The following MCC variants were observed in gnomAD, a reference collection of about 807,000 sequenced individuals.
The protein encoded by MCC is colorectal mutant cancer protein.
Under a neutral mutation model 116.2 loss-of-function variants are expected in MCC, and 90 were observed. The observed-to-expected ratio is 0.77, with a 90% CI of 0.65 to 0.92. MCC has a LOEUF of 0.92. MCC is among the 40% of genes least tolerant of loss of function. MCC has a pLI of 0.00. For missense variants in MCC, 1,516 were observed against 1,312.2 expected (o/e 1.16, Z -2.40); for synonymous variants, 578 against 510.5 (o/e 1.13, Z -1.78).
At chr5:113,238,879 G>A (rs1011761593) in intron 3 of MCC, among the ~76,000 whole-genome samples, 1 of 152,190 alleles carries the variant, frequency 6.6e-6, no homozygotes, top group African/African-American at 2.4e-5. Flanking sequence ...CAAAGAAGCA[G>A]TTACAAGAAG....
chr5:113,186,611 CT>C (rs1389418715), intron 3 of MCC, among the ~76,000 whole-genome samples: 1 of 152,038 alleles, frequency 6.6e-6, no homozygotes, highest in Non-Finnish European at 1.5e-5. Flanking sequence ...GTAAATGCAA[CT>C]TAAAATATTT....
At chr5:113,160,693 C>G (rs1490824158) in intron 3 of MCC, among the ~76,000 whole-genome samples, 1 of 152,148 alleles carries the variant, frequency 6.6e-6, no homozygotes, top group African/African-American at 2.4e-5. Flanking sequence ...GAGGGTTATT[C>G]TGTTAAGAGA....
intron 6 of MCC, among the ~76,000 whole-genome samples, chr5:113,111,362 A>G (rs11241191): frequency 0.47 from 72,052 of 151,718 alleles, 17,514 homozygotes; most frequent in African/African-American, 0.56. Flanking sequence ...TCATTGGTGT[A>G]TCTAAACAGT....
intron 5 of MCC, among the ~76,000 whole-genome samples, chr5:113,142,191 T>G (rs1019062226): frequency 6.1e-5 from 9 of 147,110 alleles, no homozygotes; most frequent in African/African-American, 2.2e-4. Flanking sequence ...TGGAACAAAA[T>G]GCATCCAAAG....
At chr5:113,332,452 A>G (rs780253472) in intron 3 of MCC, among the ~76,000 whole-genome samples, 4 of 151,144 alleles carry the variant, frequency 2.6e-5, no homozygotes, top group Non-Finnish European at 4.4e-5. Flanking sequence ...ACTTACGCCT[A>G]TAATCCCAGC....
At chr5:113,208,987 A>G (rs1763015739) in intron 3 of MCC, among the ~76,000 whole-genome samples, 3 of 152,234 alleles carry the variant, frequency 2.0e-5, no homozygotes, top group Admixed American at 6.5e-5. Context: ...TAGTAGTCTA[A>G]TATCATCCAA....
At chr5:113,243,160 G>GT (rs1438519876) in intron 3 of MCC, among the ~76,000 whole-genome samples, 1 of 146,520 alleles carries the variant, frequency 6.8e-6, no homozygotes, top group African/African-American at 2.5e-5. Context: ...CCAAGCATGT[G>GT]TTTTTGTTTT....
intron 17 of MCC, among the ~76,000 whole-genome samples, chr5:113,038,795 A>G (rs985081918): frequency 2.0e-5 from 3 of 152,148 alleles, no homozygotes; most frequent in Non-Finnish European, 4.4e-5. Context: ...CCTACTTCTT[A>G]TTCAGCAGAG....
At chr5:113,115,092 G>T (rs1184494069) in intron 6 of MCC, among the ~76,000 whole-genome samples, 1 of 152,138 alleles carries the variant, frequency 6.6e-6, no homozygotes, top group East Asian at 1.9e-4. Flanking sequence ...GGGGGTCACA[G>T]ATCCTCCCCC....
chr5:113,269,083 T>C (rs552084670), intron 3 of MCC: 4 of 783,054 alleles, frequency 5.1e-6, no homozygotes, highest in Non-Finnish European at 4.6e-6. Context: ...GGTGAATATT[T>C]GATGGAGAAG....
chr5:113,285,475 T>G (rs539736903), intron 3 of MCC, among the ~76,000 whole-genome samples: 2 of 151,954 alleles, frequency 1.3e-5, no homozygotes, highest in African/African-American at 2.4e-5. Flanking sequence ...TGGCCAGAAC[T>G]GTTTTCTTGG....
chr5:113,310,680 GA>G (rs1049457074), intron 3 of MCC, among the ~76,000 whole-genome samples: 1 of 152,152 alleles, frequency 6.6e-6, no homozygotes, highest in African/African-American at 2.4e-5. Flanking sequence ...GATAGAGAGG[GA>G]AATGTGTCAC....
chr5:113,170,033 G>T (rs1328050538), intron 3 of MCC, among the ~76,000 whole-genome samples: 6 of 152,178 alleles, frequency 3.9e-5, no homozygotes, highest in African/African-American at 1.4e-4. Context: ...TACTATGGTA[G>T]AATTAGATGG....
chr5:113,200,000 G>C (rs1196391965), intron 3 of MCC, among the ~76,000 whole-genome samples: 1 of 151,232 alleles, frequency 6.6e-6, no homozygotes, highest in Non-Finnish European at 1.5e-5. Flanking sequence ...AACCGTGTGT[G>C]AGACACTAGA....
At chr5:113,385,871 G>C (rs1769242250) in intron 1 of MCC, among the ~76,000 whole-genome samples, 1 of 152,162 alleles carries the variant, frequency 6.6e-6, no homozygotes, top group Admixed American at 6.5e-5. Context: ...GTAAATGTGT[G>C]CAGTGGATAG....
At chr5:113,481,163 T>C (rs901510554) in intron 1 of MCC, among the ~76,000 whole-genome samples, 9 of 152,220 alleles carry the variant, frequency 5.9e-5, no homozygotes, top group Non-Finnish European at 1.3e-4. Context: ...TTTAAACAAT[T>C]TGATTAGCCT....
At chr5:113,142,347 G>A (rs961034565) in intron 5 of MCC, among the ~76,000 whole-genome samples, 7 of 151,754 alleles carry the variant, frequency 4.6e-5, no homozygotes, top group Admixed American at 2.0e-4. Context: ...GGCTGTTCCC[G>A]GAGCATCGCC....
chr5:113,141,451 CT>C (rs1759176607), intron 5 of MCC, among the ~76,000 whole-genome samples: 1 of 152,208 alleles, frequency 6.6e-6, no homozygotes, highest in Admixed American at 6.5e-5. Flanking sequence ...GTCTATCTGT[CT>C]CTACGTTCTA....
Position 113,359,681 on chromosome 5 carries a change from A to G in MCC, c.416-18951T>C, listed in dbSNP as rs529595599. On this transcript the variant is annotated intron_variant, in intron 2 of 18. Transcript: ENST00000408903. The stretch of plus-strand genomic sequence containing the variant: ...TTATCTTGGTTTGTCTAAACTATGT[A>G]TATTGAAGGAGATAAGCAAGAAGGT... 3.3e-5 allele frequency among the ~76,000 whole-genome samples: 5 copies of G among 152,364 alleles called. No individual in the cohort carries two copies. In the East Asian group the frequency reaches 9.6e-4, roughly 29 times the overall value.
Sources: gnomAD v4.1 joint callset for allele counts (sites outside exome capture counted in the v4.1 genomes callset) on GRCh38, gnomAD v4.1.1 for gene constraint, MANE v1.5 for transcripts, NCBI Gene and HGNC (gene_info 2026-07-23, HGNC 2026-07-21) for gene names.